TRAP1: variants seen among roughly 807,000 people sequenced by gnomAD.
TRAP1 encodes heat shock protein 75 kDa, mitochondrial.
In TRAP1, 102 loss-of-function variants were observed where a neutral mutation model predicts 89.1. The observed-to-expected ratio is 1.15, with a 90% confidence interval of 0.98 to 1.35. The LOEUF (loss-of-function observed/expected upper bound fraction) is 1.35. Ranked by LOEUF, TRAP1 falls within the 40% of genes most tolerant of loss-of-function variation. The pLI is 0.00. For missense variants in TRAP1, 1,256 were observed against 945.3 expected (o/e 1.33, Z -4.31); for synonymous variants, 508 against 388.0 (o/e 1.31, Z -3.64).
chr16:3,717,073 T>C (rs2051607090), intron 1 of TRAP1, among the ~76,000 whole-genome samples: 1 of 152,100 alleles, frequency 6.6e-6, no homozygotes, highest in Admixed American at 6.5e-5. Flanking sequence ...CCGCAAAGAC[T>C]CCGCGCTCCG....
At position 3,658,171 on chromosome 16, in the gene TRAP1, G is replaced by A. The variant is rs764258569; in HGVS notation, c.2073C>T (p.Gly691=). The change falls in exon 18 of 18, where the codon GGC becomes GGT. Residue 691 remains glycine, a synonymous_variant. Coordinates refer to ENST00000246957, the MANE Select transcript of TRAP1 (RefSeq NM_016292.3). ...GLVDDPRAMV[G]RLNELLVKAL... ...CCTTGACAAGCAGCTCATTCAAGCG[G>A]CCCACCATGGCCCTAGGGTCGTCAA... 1 of 1,614,060 alleles carries A rather than the reference G, an allele frequency of 6.2e-7. No homozygotes were observed. Among genetic ancestry groups the A allele is most frequent in the South Asian group, 1.1e-5 (1 of 91,080 alleles).
chr16:3,671,268 G>C (rs1002793943), intron 11 of TRAP1, among the ~76,000 whole-genome samples: 9 of 152,312 alleles, frequency 5.9e-5, no homozygotes, highest in Admixed American at 5.9e-4. Context: ...GCTCTAGTAA[G>C]GAAATACTAC....
rs187564642 is a variant in TRAP1, at chr16:3,682,014, T to C, written c.472-2224A>G. 2.3e-3 allele frequency among the ~76,000 whole-genome samples: 344 copies of C among 152,252 alleles called. 1 individual carries two copies. The highest frequency in any genetic ancestry group is 6.8e-3 in the Middle Eastern group (2 of 294). On this transcript the variant is annotated intron_variant, in intron 4 of 17. Transcript: ENST00000246957. ...ATGTGGGCATTTAAGGATCGACACA[T>C]GGATGAAAGAACCAAACAGAGCACA...
chr16:3,679,654 C>G, intron 5 of TRAP1, 65 bp downstream of exon 5: 1 of 1,559,826 alleles, frequency 6.4e-7, no homozygotes, highest in Non-Finnish European at 8.8e-7. Flanking sequence ...CCAGGGCCAC[C>G]CCTACTGGAG....
chr16:3,689,241 A>AATT, intron 2 of TRAP1, 104 bp from the exon 3 acceptor site: 2 of 886,710 alleles, frequency 2.3e-6, no homozygotes, highest in Non-Finnish European at 3.3e-6. Flanking sequence ...TGAGTTTTAA[A>AATT]CTTTTTTTTT....
chr16:3,660,392 T>G (rs903069455), intron 16 of TRAP1: 1 of 152,238 alleles, frequency 6.6e-6, no homozygotes, highest in Non-Finnish European at 1.5e-5. Context: ...ATCCCACCAC[T>G]TTGGGAGGCC....
At chr16:3,687,571 A>T (rs2051153907) in intron 3 of TRAP1, among the ~76,000 whole-genome samples, 1 of 152,098 alleles carries the variant, frequency 6.6e-6, no homozygotes, top group East Asian at 1.9e-4. Context: ...ACTGACCTCA[A>T]ACAGACCTTC....
intron 1 of TRAP1, among the ~76,000 whole-genome samples, chr16:3,702,644 T>C (rs748230643): frequency 7.9e-5 from 12 of 151,512 alleles, no homozygotes; most frequent in Non-Finnish European, 1.3e-4. Context: ...CTTGGGGTAC[T>C]TGAGGCGGAA....
At chr16:3,713,877 C>T (rs1242236793) in intron 1 of TRAP1, among the ~76,000 whole-genome samples, 1 of 152,230 alleles carries the variant, frequency 6.6e-6, no homozygotes, top group Non-Finnish European at 1.5e-5. Context: ...CCCCACACAC[C>T]AGGCCCAGGG....
chr16:3,671,225 A>T (rs1013139477), intron 11 of TRAP1, among the ~76,000 whole-genome samples: 2 of 152,160 alleles, frequency 1.3e-5, no homozygotes, highest in Non-Finnish European at 2.9e-5. Context: ...AACAGCAGTC[A>T]TCTCTAGGTG....
At chr16:3,689,345 C>T (rs958975057) in intron 2 of TRAP1, among the ~76,000 whole-genome samples, 14 of 150,994 alleles carry the variant, frequency 9.3e-5, no homozygotes, top group Non-Finnish European at 1.5e-4. Flanking sequence ...CCCGGGTTCA[C>T]GCCATTCTCT....
At chr16:3,709,269 A>C (rs1471551951) in intron 1 of TRAP1, among the ~76,000 whole-genome samples, 1 of 151,700 alleles carries the variant, frequency 6.6e-6, no homozygotes, top group African/African-American at 2.4e-5. Context: ...TTGGTTCAAG[A>C]GAAAAATGGC....
At chr16:3,662,176 G>A (rs1330349650) in intron 15 of TRAP1, 44 bp from the exon 16 acceptor site, 1 of 1,584,502 alleles carries the variant, frequency 6.3e-7, no homozygotes, top group Non-Finnish European at 8.6e-7. Context: ...GGTTCCCAAT[G>A]TGAGAGGGCT....
chr16:3,709,781 G>T (rs1399648653), intron 1 of TRAP1, among the ~76,000 whole-genome samples: 1 of 152,104 alleles, frequency 6.6e-6, no homozygotes, highest in Non-Finnish European at 1.5e-5. Flanking sequence ...CTCCTAAGTA[G>T]CTGGGATTAC....
intron 1 of TRAP1, among the ~76,000 whole-genome samples, chr16:3,695,351 T>A (rs2051271987): frequency 6.6e-6 from 1 of 151,846 alleles, no homozygotes; most frequent in South Asian, 2.1e-4. Flanking sequence ...CTTAGAACCA[T>A]GGTCAGGTTT....
At chr16:3,678,740 C>T (rs1445226262) in intron 5 of TRAP1, among the ~76,000 whole-genome samples, 4 of 152,184 alleles carry the variant, frequency 2.6e-5, no homozygotes, top group Non-Finnish European at 4.4e-5. Flanking sequence ...GGGTTACAGG[C>T]GTGAGCCACC....
chr16:3,672,938 G>A, intron 9 of TRAP1, 118 bp from the exon 10 acceptor site: 1 of 1,409,324 alleles, frequency 7.1e-7, no homozygotes, highest in Admixed American at 2.6e-5. Context: ...CCCTCCCCCA[G>A]CGTCTGCTCT....
intron 3 of TRAP1, among the ~76,000 whole-genome samples, chr16:3,686,504 A>T (rs1277079723): frequency 6.6e-6 from 1 of 152,150 alleles, no homozygotes; most frequent in Non-Finnish European, 1.5e-5. Flanking sequence ...TTTTATAGAC[A>T]CAGGGTCTCG....
intron 1 of TRAP1, among the ~76,000 whole-genome samples, chr16:3,697,655 C>T (rs968070750): frequency 1.5e-5 from 2 of 134,554 alleles, no homozygotes; most frequent in Non-Finnish European, 3.1e-5. Context: ...CAGAGCAAGA[C>T]TCTGTCTCAA....
Sources: allele counts gnomAD v4.1 joint callset (sites outside exome capture counted in the v4.1 genomes callset), GRCh38; gene constraint gnomAD v4.1.1; transcripts MANE v1.5; gene names NCBI Gene and HGNC (gene_info 2026-07-23, HGNC 2026-07-21).